The following TNPO3 variants were observed in gnomAD, a reference collection of about 807,000 sequenced individuals.
TNPO3 encodes the protein transportin-3.
Under a neutral mutation model 122.8 loss-of-function variants are expected in TNPO3, and 65 were observed. The ratio of observed to expected loss-of-function variants is 0.53; its 90% CI spans 0.43 to 0.65. The LOEUF is 0.65. TNPO3 is among the 30% of genes least tolerant of loss of function. The probability of loss-of-function intolerance (pLI) is 0.00; values close to 1 mark genes in which losing one functional copy is unlikely to be tolerated. For synonymous variants in TNPO3, 372 were observed against 411.2 expected, an observed-to-expected ratio of 0.90 and a Z score of 1.15; for missense variants, 850 against 1,136.7, an observed-to-expected ratio of 0.75 and a Z score of 3.63.
rs768946426 is a variant in TNPO3 at position 128,992,026 on chromosome 7, A to G, written c.1331T>C (p.Met444Thr). ...ATCAACACTCTTTGCTATAGCAGCC[A>G]TGATAAAGAGAACCGCTTCTGTCAC... ...WEVTEAVLFI[M>T]AAIAKSVDPE... The change falls in exon 10 of 23, where the codon ATG becomes ACG. Residue 444 changes from methionine to threonine, a missense_variant. Transcript: ENST00000265388. 1.2e-6 allele frequency: 2 copies of G among 1,611,174 alleles called. No individual in the cohort carries two copies. The highest frequency in any genetic ancestry group is 1.7e-6 in the Non-Finnish European group (2 of 1,178,636).
At chr7:129,020,503 C>T (rs565309836) in intron 1 of TNPO3, among the ~76,000 whole-genome samples, 16 of 152,300 alleles carry the variant, frequency 1.1e-4, no homozygotes, top group African/African-American at 3.8e-4. Flanking sequence ...TGCAATGGCA[C>T]GATCTCAGCT....
intron 8 of TNPO3, among the ~76,000 whole-genome samples, chr7:128,995,941 C>G (rs1054865053): frequency 6.6e-6 from 1 of 152,176 alleles, no homozygotes; most frequent in Admixed American, 6.5e-5. Flanking sequence ...TCAAGTGATC[C>G]ACCCGCCTCG....
chr7:129,034,559 T>C (rs1806343110), intron 1 of TNPO3, among the ~76,000 whole-genome samples: 1 of 151,602 alleles, frequency 6.6e-6, no homozygotes, highest in Non-Finnish European at 1.5e-5. Context: ...ATCTGCTCAA[T>C]TACTTTTTGA....
intron 4 of TNPO3, among the ~76,000 whole-genome samples, chr7:129,009,327 A>T (rs1005295537): frequency 6.6e-6 from 1 of 152,222 alleles, no homozygotes; most frequent in Non-Finnish European, 1.5e-5. Flanking sequence ...AAGAAATAGG[A>T]CAGAATGTAA....
In TNPO3 at chr7:128,986,873, C is replaced by G; in HGVS notation, c.1546G>C (p.Ala516Pro). Residue 516 changes from alanine (A) to proline (P), a missense_variant, in exon 12 of 23, where the codon GCT (alanine) becomes CCT (proline). Ala to Pro is a conservative substitution (Grantham distance 27). Transcript: ENST00000265388. ...TGAATGGCTTTGGCTGCAGCAGAAG[C>G]CAGGGGCTTTTCACACAGGCCTTTC... Reference protein sequence around the residue: ...LMKGLCEKPLASAAAKAIHNI... With the variant: ...LMKGLCEKPLPSAAAKAIHNI... The G allele has an allele frequency of 6.2e-7, 1 of 1,613,724 alleles. No homozygotes were observed. Among genetic ancestry groups the G allele is most frequent in the Non-Finnish European group, 8.5e-7 (1 of 1,179,914 alleles).
rs779311322 is a variant in TNPO3, at chr7:129,024,697, T to C, written c.121-6540A>G. On this transcript the variant is annotated intron_variant, in intron 1 of 22. Transcript: ENST00000265388. Reference sequence around the variant, plus strand: ...GCAAAATCCACTGTGGGAAACTCTATAGGTCAAATGGCCCTGATACTTCAA... The same window carrying C: ...GCAAAATCCACTGTGGGAAACTCTACAGGTCAAATGGCCCTGATACTTCAA... Among the ~76,000 whole-genome samples the C allele has an allele frequency of 6.6e-5, 10 of 152,292 alleles. No homozygotes were observed. In the South Asian group the frequency reaches 2.1e-3, roughly 32 times the overall value.
rs1800208124 is a variant in TNPO3, at chr7:128,986,826, T to G, written c.1593A>C (p.Arg531=). 6.8e-6 allele frequency: 11 copies of G among 1,614,144 alleles called. No homozygotes were observed. Among genetic ancestry groups the G allele is most frequent in the Non-Finnish European group, 7.6e-6 (9 of 1,180,010 alleles). Residue 531 remains arginine (R), a synonymous_variant, in exon 12 of 23, where the codon CGA becomes CGC. Coordinates refer to ENST00000265388, the MANE Select transcript of TNPO3 (RefSeq NM_012470.4). ...CATTAAAGTGCTGAGCCATGTGATC[T>G]CGGCAGACAGAGCAAATGTTATGAA... ...KAIHNICSVC[R]DHMAQHFNGL...
intron 19 of TNPO3, among the ~76,000 whole-genome samples, chr7:128,971,649 C>A (rs1798502343): frequency 6.6e-6 from 1 of 152,178 alleles, no homozygotes; most frequent in Non-Finnish European, 1.5e-5. Flanking sequence ...AACCTACCTT[C>A]GAAATTCCTG....
chr7:128,967,358 C>T lies in TNPO3; in HGVS notation c.2633G>A (p.Gly878Asp). The T allele has an allele frequency of 1.9e-6, 3 of 1,613,944 alleles. No individual in the cohort carries two copies. The highest frequency in any genetic ancestry group is 1.6e-4 in the Middle Eastern group (1 of 6,062). ...FCRWLENSLKGLPKETTVGAV... is the reference protein window; with the variant it reads ...FCRWLENSLKDLPKETTVGAV... ...TCCCACGGTTGTTTCCTTTGGCAAA[C>T]CTTTTAAGGAATTTTCTAACCATCG... is the stretch of plus-strand genomic sequence containing the variant. The change falls in exon 21 of 23, where the codon GGT becomes GAT. Residue 878 changes from glycine to aspartate, a missense_variant. Coordinates refer to ENST00000265388, the MANE Select transcript of TNPO3 (RefSeq NM_012470.4).
intron 12 of TNPO3, among the ~76,000 whole-genome samples, chr7:128,984,661 T>C (rs1245222259): frequency 6.6e-6 from 1 of 152,208 alleles, no homozygotes; most frequent in Non-Finnish European, 1.5e-5. Context: ...CAAGAGAAAT[T>C]CTGACATAAT....
At chr7:129,045,425 G>A (rs923724903) in intron 1 of TNPO3, among the ~76,000 whole-genome samples, 1 of 150,922 alleles carries the variant, frequency 6.6e-6, no homozygotes, top group Non-Finnish European at 1.5e-5. Flanking sequence ...GAGCCTGGGA[G>A]TTTAAGGCTG....
At chr7:129,051,445 C>T (rs990678757) in intron 1 of TNPO3, among the ~76,000 whole-genome samples, 1 of 151,300 alleles carries the variant, frequency 6.6e-6, no homozygotes, top group African/African-American at 2.4e-5. Context: ...AACTCCTGGG[C>T]TCAAGGGATC....
chr7:128,970,084 T>C, intron 20 of TNPO3, 64 bp downstream of exon 20: 1 of 1,603,684 alleles, frequency 6.2e-7, no homozygotes. Context: ...GGGTTGGCCT[T>C]AAGGAACCAA....
rs1585324644 is a variant in TNPO3 at position 128,970,265 on chromosome 7, G to A, written c.2481C>T (p.Asn827=). 5 of 1,613,082 alleles carry A rather than the reference G, an allele frequency of 3.1e-6. No individual in the cohort carries two copies. The highest frequency in any genetic ancestry group is 1.7e-4 in the Middle Eastern group (1 of 6,056). Residue 827 remains asparagine (N), a synonymous_variant, in exon 20 of 23, where the codon AAC becomes AAT. Coordinates refer to ENST00000265388, the MANE Select transcript of TNPO3 (RefSeq NM_012470.4). ...GGCTGACAAGCTGCTGTCCAAGCTGGTTCATCACCTGTCCAATCAGTTCTT... is the reference window on the plus strand; with the variant it reads ...GGCTGACAAGCTGCTGTCCAAGCTGATTCATCACCTGTCCAATCAGTTCTT... The part of the protein sequence containing the change: ...LRKELIGQVM[N]QLGQQLVSQL...
intron 8 of TNPO3, 91 bp from the exon 9 acceptor site, chr7:128,994,005 G>A: frequency 8.3e-7 from 1 of 1,201,310 alleles, no homozygotes; most frequent in Non-Finnish European, 1.2e-6. Flanking sequence ...AAACCATTAA[G>A]CAGTCAAGTT....
chr7:129,030,981 C>G (rs1308359819), intron 1 of TNPO3, among the ~76,000 whole-genome samples: 3 of 152,100 alleles, frequency 2.0e-5, no homozygotes, highest in Non-Finnish European at 4.4e-5. Flanking sequence ...AAAGCTTAAG[C>G]TAGATTAAGA....
chr7:129,002,769 T>C (rs1353750921), intron 5 of TNPO3, among the ~76,000 whole-genome samples: 5 of 151,326 alleles, frequency 3.3e-5, no homozygotes, highest in African/African-American at 1.2e-4. Flanking sequence ...ATACAAAAAA[T>C]TGGCCGGGCG....
intron 5 of TNPO3, 130 bp from the exon 6 acceptor site, chr7:129,001,364 AC>A (rs1236522973): frequency 1.4e-6 from 1 of 710,082 alleles, no homozygotes; most frequent in African/African-American, 1.8e-5. Flanking sequence ...AAATAATAAT[AC>A]AATGAAAAAC....
At chr7:129,055,750 A>G (rs900339356), upstream of TNPO3, 11 of 348,938 alleles carry the variant, frequency 3.2e-5, no homozygotes, top group Non-Finnish European at 4.8e-5. Context: ...TCCGAATCCA[A>G]TACCAGTGGT....
Sources: gnomAD v4.1 joint callset for allele counts (sites outside exome capture counted in the v4.1 genomes callset) on GRCh38, gnomAD v4.1.1 for gene constraint, MANE v1.5 for transcripts, NCBI Gene and HGNC (gene_info 2026-07-23, HGNC 2026-07-21) for gene names.